The following WDR72 variants were observed in gnomAD, a reference collection of about 807,000 sequenced individuals.
WDR72 encodes the protein WD repeat-containing protein 72.
WDR72 carries 120 observed loss-of-function variants against 124.2 expected under a neutral mutation model. That is an observed-to-expected ratio of 0.97 (90% CI 0.83 to 1.12). The LOEUF (loss-of-function observed/expected upper bound fraction) is 1.12, where lower values mean the gene tolerates loss of function less well. Among genes scored for constraint, WDR72 ranks in the 50% most tolerant of loss-of-function variants. WDR72 has a pLI of 0.00. For missense variants in WDR72, 1,387 were observed against 1,278.8 expected (o/e 1.08, Z -1.29); for synonymous variants, 452 against 441.7 (o/e 1.02, Z -0.29).
At chr15:53,543,235 T>C (rs1893248414) in intron 18 of WDR72, among the ~76,000 whole-genome samples, 2 of 148,598 alleles carry the variant, frequency 1.3e-5, no homozygotes, top group Non-Finnish European at 3.0e-5. Context: ...ATTGACCACA[T>C]ACTTGGAAGT....
At chr15:53,751,622 T>A (rs530111909) in intron 1 of WDR72, among the ~76,000 whole-genome samples, 1 of 152,186 alleles carries the variant, frequency 6.6e-6, no homozygotes, top group East Asian at 1.9e-4. Context: ...GAACCCACCA[T>A]ATCTCCAAGA....
chr15:53,664,921 T>C (rs1466400378), intron 14 of WDR72, among the ~76,000 whole-genome samples: 1 of 152,148 alleles, frequency 6.6e-6, no homozygotes, highest in African/African-American at 2.4e-5. Context: ...ACGGCATAGT[T>C]ACAACAGTAT....
At chr15:53,744,638 G>A (rs1002037829) in intron 1 of WDR72, among the ~76,000 whole-genome samples, 1 of 152,156 alleles carries the variant, frequency 6.6e-6, no homozygotes, top group African/African-American at 2.4e-5. Context: ...CATTACAGCT[G>A]GAAAAAGGTG....
In WDR72 at chr15:53,715,369, T is replaced by C; in HGVS notation, c.340-2A>G. ...CATCCGGAATGAGCAGTGGTAATACTACGTACATGGAAAGCAAAGCAAACA... is the reference window on the plus strand; with the variant it reads ...CATCCGGAATGAGCAGTGGTAATACCACGTACATGGAAAGCAAAGCAAACA... On this transcript the variant is annotated splice_acceptor_variant, in intron 4 of 19. Transcript: ENST00000360509. LOFTEE classifies it high-confidence loss of function. 2 of 1,614,080 alleles carry C rather than the reference T, an allele frequency of 1.2e-6. No homozygotes were observed. The highest frequency in any genetic ancestry group is 1.1e-5 in the South Asian group (1 of 91,082).
chr15:53,562,797 A>C (rs1009219755), intron 18 of WDR72, among the ~76,000 whole-genome samples: 1 of 151,790 alleles, frequency 6.6e-6, no homozygotes, highest in Admixed American at 6.6e-5. Context: ...TTATAATTAG[A>C]CTTGGTATAT....
In WDR72 at chr15:53,516,750, T is replaced by C. The variant is rs1595719540; in HGVS notation, c.*949A>G. ...TTAGGCAATATTTATATACATAAGA[T>C]ATGTAGATTAATAATTTTGATGATT... On this transcript the variant is annotated 3_prime_UTR_variant, in exon 20 of 20. Transcript: ENST00000360509. 1 of 152,084 alleles carries C rather than the reference T, an allele frequency of 6.6e-6. No individual in the cohort carries two copies. Among genetic ancestry groups the C allele is most frequent in the Non-Finnish European group, 1.5e-5 (1 of 67,986 alleles). 9.4% of individuals were successfully genotyped at this position (152,084 alleles called of 1,614,324 possible).
At chr15:53,666,127 A>G (rs2015773189) in intron 13 of WDR72, among the ~76,000 whole-genome samples, 1 of 152,216 alleles carries the variant, frequency 6.6e-6, no homozygotes, top group South Asian at 2.1e-4. Context: ...TCCAACTCAC[A>G]AGCAACAGAG....
intron 18 of WDR72, among the ~76,000 whole-genome samples, chr15:53,550,864 T>C (rs1440999845): frequency 2.0e-5 from 3 of 152,160 alleles, no homozygotes. Flanking sequence ...CCATCTCTTA[T>C]AAAGCTTAGA....
At chr15:53,661,351 G>C (rs2015602927) in intron 14 of WDR72, among the ~76,000 whole-genome samples, 1 of 152,136 alleles carries the variant, frequency 6.6e-6, no homozygotes, top group Non-Finnish European at 1.5e-5. Context: ...TGTGTGCAGA[G>C]ATCACATGGT....
At chr15:53,597,757 CT>C (rs2012846355) in intron 17 of WDR72, among the ~76,000 whole-genome samples, 2 of 152,136 alleles carry the variant, frequency 1.3e-5, no homozygotes, top group South Asian at 4.1e-4. Context: ...ATCTCACTAA[CT>C]TTTGTGTATA....
At chr15:53,701,559 T>TCTCTCTCTCTCTCTCTCACACACA (rs369568228) in intron 12 of WDR72, among the ~76,000 whole-genome samples, 6 of 120,166 alleles carry the variant, frequency 5.0e-5, no homozygotes, top group Middle Eastern at 4.3e-3. Context: ...TCTCTCTCTC[T>TCTCTCTCTCTCTCTCTCACACACA]CACACACACA....
intron 18 of WDR72, among the ~76,000 whole-genome samples, chr15:53,589,710 G>A (rs1015827397): frequency 1.3e-5 from 2 of 151,994 alleles, no homozygotes; most frequent in Non-Finnish European, 2.9e-5. Flanking sequence ...TCAATTCCTC[G>A]ATCAGACCAT....
rs573577440 is a variant in WDR72 at position 53,606,128 on chromosome 15, A to G, written c.2952+3385T>C. On this transcript the variant is annotated intron_variant, in intron 17 of 19. Transcript: ENST00000360509. Reference sequence around the variant, plus strand: ...TACCGTCACAGAATCATAGAACCTTAAAGGTCTGTTAGTCCAAACATGCCC... The same window carrying G: ...TACCGTCACAGAATCATAGAACCTTGAAGGTCTGTTAGTCCAAACATGCCC... 7.2e-5 allele frequency among the ~76,000 whole-genome samples: 11 copies of G among 152,300 alleles called. No individual in the cohort carries two copies. The South Asian group carries it at 1.7e-3, about 23-fold the overall frequency.
At chr15:53,580,225 A>C (rs998358483) in intron 18 of WDR72, among the ~76,000 whole-genome samples, 1 of 152,158 alleles carries the variant, frequency 6.6e-6, no homozygotes, top group Non-Finnish European at 1.5e-5. Context: ...AATCCAGCAT[A>C]ATTTAAGCCT....
intron 2 of WDR72, among the ~76,000 whole-genome samples, chr15:53,728,970 A>C (rs542147769): frequency 2.0e-4 from 31 of 152,062 alleles, no homozygotes; most frequent in African/African-American, 7.2e-4. Context: ...ACATCTTCAA[A>C]CCCCTATTGA....
chr15:53,547,295 G>A (rs770778797), intron 18 of WDR72, among the ~76,000 whole-genome samples: 4 of 152,194 alleles, frequency 2.6e-5, no homozygotes, highest in Non-Finnish European at 5.9e-5. Context: ...ACCACGCCTG[G>A]CTAATTTTGT....
At position 53,583,049 on chromosome 15, in the gene WDR72, C is replaced by T. The variant is rs114209769; in HGVS notation, c.3148+14030G>A. Reference sequence around the variant, plus strand: ...TTTACTGTCTTGTAAATTCCATCCTCTACATAATGCCTCATGAAATAGGGT... The same window carrying T: ...TTTACTGTCTTGTAAATTCCATCCTTTACATAATGCCTCATGAAATAGGGT... On this transcript the variant is annotated intron_variant, in intron 18 of 19. Transcript: ENST00000360509. 3.4e-3 allele frequency among the ~76,000 whole-genome samples: 522 copies of T among 151,954 alleles called. 1 individual carries two copies. Among genetic ancestry groups the T allele is most frequent in the African/African-American group, 0.012 (497 of 41,500 alleles).
intron 13 of WDR72, among the ~76,000 whole-genome samples, chr15:53,686,280 G>A (rs2016620884): frequency 6.6e-6 from 1 of 152,132 alleles, no homozygotes; most frequent in Non-Finnish European, 1.5e-5. Context: ...TGGATAAAGA[G>A]TCAAGACCCA....
chr15:53,751,771 T>C (rs1169569904), intron 1 of WDR72, among the ~76,000 whole-genome samples: 2 of 152,190 alleles, frequency 1.3e-5, no homozygotes, highest in African/African-American at 4.8e-5. Flanking sequence ...AGACAGCATG[T>C]ACCGGTGGGT....
Sources: gnomAD v4.1 joint callset for allele counts (sites outside exome capture counted in the v4.1 genomes callset) on GRCh38, gnomAD v4.1.1 for gene constraint, MANE v1.5 for transcripts, NCBI Gene and HGNC (gene_info 2026-07-23, HGNC 2026-07-21) for gene names.